GRTP1: variants seen among roughly 807,000 people sequenced by gnomAD.
GRTP1 encodes the protein growth hormone regulated TBC protein 1.
Under a neutral mutation model 38.1 loss-of-function variants are expected in GRTP1, and 56 were observed. That is an observed-to-expected ratio of 1.47 (90% CI 1.19 to 1.84). The LOEUF (loss-of-function observed/expected upper bound fraction) is 1.84. Among genes scored for constraint, GRTP1 ranks in the 40% most tolerant of loss-of-function variants. The pLI is 0.00. For synonymous variants in GRTP1, 217 were observed against 189.5 expected, an observed-to-expected ratio of 1.14 and a Z score of -1.19; for missense variants, 506 against 453.9, an observed-to-expected ratio of 1.11 and a Z score of -1.04.
rs1418192057 is a variant in GRTP1, at chr13:113,363,819, T to C, written c.124A>G (p.Arg42Gly). 1.9e-6 allele frequency: 3 copies of C among 1,611,720 alleles called. No individual in the cohort carries two copies. Among genetic ancestry groups the C allele is most frequent in the Non-Finnish European group, 2.5e-6 (3 of 1,179,524 alleles). ...FSSYLVTLTR[R>G]AIKWSRLLQG... ...AGCAGCCGGGACCATTTGATCGCCCTGCGGGTGAGCGTGACCAGGTAGCTG... is the reference window on the plus strand; with the variant it reads ...AGCAGCCGGGACCATTTGATCGCCCCGCGGGTGAGCGTGACCAGGTAGCTG... The change falls in exon 2 of 8, where the codon AGG (arginine) becomes GGG (glycine). Residue 42 changes from arginine (R) to glycine (G), a missense_variant. Arg to Gly is a moderately radical substitution (Grantham distance 125). Transcript: ENST00000375431.
chr13:113,355,600 C>G, intron 2 of GRTP1, 119 bp from the exon 3 acceptor site: 1 of 1,233,630 alleles, frequency 8.1e-7, no homozygotes, highest in Non-Finnish European at 1.1e-6. Flanking sequence ...TTAAAGAGAC[C>G]CAGAACTTCG....
At position 113,344,871 on chromosome 13, in the gene GRTP1, A is replaced by T; in HGVS notation, c.554T>A (p.Ile185Lys). 6.2e-7 allele frequency: 1 copy of T among 1,607,384 alleles called. No individual in the cohort carries two copies. The highest frequency in any genetic ancestry group is 1.1e-5 in the South Asian group (1 of 89,202). Residue 185 changes from isoleucine to lysine, a missense_variant, in exon 5 of 8, where the codon ATA (isoleucine) becomes AAA (lysine). By Grantham distance (102) the Ile-to-Lys change is moderately radical. Coordinates refer to ENST00000375431, the MANE Select transcript of GRTP1 (RefSeq NM_024719.4). ...FWLLDALVGRILPDYYSPAML... is the reference protein window; with the variant it reads ...FWLLDALVGRKLPDYYSPAML... ...AGGAATTTTCAACATACCTGGTAGTATTCTTCCAACAAGAGCATCTAACAG... is the reference window on the plus strand; with the variant it reads ...AGGAATTTTCAACATACCTGGTAGTTTTCTTCCAACAAGAGCATCTAACAG...
chr13:113,345,121 A>G, intron 4 of GRTP1, 162 bp from the exon 5 acceptor site: 1 of 291,386 alleles, frequency 3.4e-6, no homozygotes, highest in Non-Finnish European at 5.1e-6. Flanking sequence ...AGAGTCACTA[A>G]ATACCTACCG....
intron 2 of GRTP1, 61 bp downstream of exon 2, chr13:113,363,701 C>T (rs922889738): frequency 1.5e-5 from 23 of 1,522,230 alleles, no homozygotes; most frequent in South Asian, 2.4e-5. Flanking sequence ...GGACTTTGCC[C>T]GGCCCGTCCC....
chr13:113,330,955 G>T (rs72485699), intron 5 of GRTP1, among the ~76,000 whole-genome samples: 15 of 123,502 alleles, frequency 1.2e-4, no homozygotes, highest in East Asian at 2.6e-4. Flanking sequence ...GGAAAACCAG[G>T]TGTGTGCATG....
intron 4 of GRTP1, among the ~76,000 whole-genome samples, chr13:113,350,288 C>T (rs1480364126): frequency 2.6e-5 from 4 of 152,094 alleles, no homozygotes; most frequent in East Asian, 1.9e-4. Flanking sequence ...CTCCGGGAGG[C>T]GCAAGGACTC....
intron 3 of GRTP1, among the ~76,000 whole-genome samples, chr13:113,352,326 T>A (rs9549390): frequency 1.3e-4 from 9 of 68,516 alleles, no homozygotes; most frequent in African/African-American, 3.5e-4. Context: ...ATATATATTT[T>A]TATATATATT....
chr13:113,357,402 G>A (rs1458583497), intron 2 of GRTP1, among the ~76,000 whole-genome samples: 6 of 135,904 alleles, frequency 4.4e-5, no homozygotes, highest in Admixed American at 8.6e-5. Flanking sequence ...CCGAGATCAC[G>A]CCGCTGCACT....
In GRTP1 at chr13:113,324,381, C is replaced by T. The variant is rs2042728269; in HGVS notation, c.*107G>A. ...ATTCACAACTAAAGTGTAGTGATGTCAAGTATTTACAACACTAAAAAGGAA... is the reference window on the plus strand; with the variant it reads ...ATTCACAACTAAAGTGTAGTGATGTTAAGTATTTACAACACTAAAAAGGAA... On this transcript the variant is annotated 3_prime_UTR_variant, in exon 8 of 8. Transcript: ENST00000375431. 7.3e-7 allele frequency: 1 copy of T among 1,379,212 alleles called. No individual in the cohort carries two copies. The highest frequency in any genetic ancestry group is 9.4e-7 in the Non-Finnish European group (1 of 1,060,194). 85.4% of individuals were successfully genotyped at this position (1,379,212 alleles called of 1,614,324 possible). A position where few individuals can be genotyped will look rare whatever the true frequency, so the allele number is the denominator to read the frequency against.
chr13:113,341,205 T>A (rs972623816), intron 5 of GRTP1, among the ~76,000 whole-genome samples: 1 of 152,124 alleles, frequency 6.6e-6, no homozygotes, highest in Non-Finnish European at 1.5e-5. Flanking sequence ...ATATGTGGAT[T>A]ATACCTCAAC....
chr13:113,326,595 T>C (rs888678407), intron 5 of GRTP1, among the ~76,000 whole-genome samples: 13 of 151,822 alleles, frequency 8.6e-5, no homozygotes, highest in Admixed American at 1.3e-4. Flanking sequence ...CGCTTGAACC[T>C]GGGAGGTGGA....
In GRTP1 at chr13:113,364,105, C is replaced by T. The variant is rs2043555028; in HGVS notation, c.-54G>A. 2.2e-5 allele frequency: 27 copies of T among 1,217,790 alleles called. No homozygotes were observed. The highest frequency in any genetic ancestry group is 3.3e-5 in the East Asian group (1 of 30,258). 75.4% of individuals were successfully genotyped at this position (1,217,790 alleles called of 1,614,324 possible). On this transcript the variant is annotated 5_prime_UTR_variant, in exon 1 of 8. Coordinates refer to ENST00000375431, the MANE Select transcript of GRTP1 (RefSeq NM_024719.4). ...GCCAGCGGGTCCCAAGTTCGCCTCC[C>T]GGCTCCGGGGCGCTTAAGTCCTTCC... is the stretch of plus-strand genomic sequence containing the variant.
chr13:113,352,369 T>C (rs2043301924), intron 3 of GRTP1, among the ~76,000 whole-genome samples: 2 of 126,290 alleles, frequency 1.6e-5, no homozygotes, highest in Non-Finnish European at 3.2e-5. Context: ...TTTATATATA[T>C]ATATATATTT....
intron 2 of GRTP1, among the ~76,000 whole-genome samples, chr13:113,358,912 G>A (rs1344715385): frequency 2.0e-5 from 3 of 152,164 alleles, no homozygotes; most frequent in East Asian, 1.9e-4. Flanking sequence ...AATCCCATGC[G>A]GTGTTTAGTC....
chr13:113,325,637 T>C lies in GRTP1; in HGVS notation c.921+24A>G, dbSNP rs756501097. On this transcript the variant is annotated intron_variant, in intron 7 of 7. Transcript: ENST00000375431. ...GAGGCGGGGCCCCCTGGGAGGGGAC[T>C]GAGCCACGTGCAGCCCCACACACCT... is the stretch of plus-strand genomic sequence containing the variant. 3.7e-6 allele frequency: 6 copies of C among 1,609,528 alleles called. No homozygotes were observed. The South Asian group carries it at 5.5e-5, about 15-fold the overall frequency.
intron 2 of GRTP1, among the ~76,000 whole-genome samples, chr13:113,357,441 CAAAAA>C (rs368660991): frequency 2.0e-5 from 2 of 97,670 alleles, no homozygotes; most frequent in Non-Finnish European, 1.9e-5. Flanking sequence ...GACACTGCCT[CAAAAA>C]AAAAAAAAAA....
At chr13:113,347,705 GCAGAGAGCAGACCCGGGAGGACCT>G (rs2139480144) in intron 4 of GRTP1, among the ~76,000 whole-genome samples, 1 of 102,512 alleles carries the variant, frequency 9.8e-6, no homozygotes, top group African/African-American at 4.3e-5. Flanking sequence ...GACCTCTGTG[GCAGAGAGCAGACCCGGGAGGACCT>G]CTGTGGCCAA....
At chr13:113,341,407 C>T (rs2043024073) in intron 5 of GRTP1, among the ~76,000 whole-genome samples, 1 of 152,170 alleles carries the variant, frequency 6.6e-6, no homozygotes, top group South Asian at 2.1e-4. Flanking sequence ...GCTGGGACTA[C>T]AGGCACCCGC....
chr13:113,330,930 C>A (rs1472652115), intron 5 of GRTP1, among the ~76,000 whole-genome samples: 1 of 128,420 alleles, frequency 7.8e-6, no homozygotes, highest in African/African-American at 3.0e-5. Flanking sequence ...TGCATGGGAG[C>A]CCAGGTGTGT....
Sources: gnomAD v4.1 joint callset for allele counts (sites outside exome capture counted in the v4.1 genomes callset) on GRCh38, gnomAD v4.1.1 for gene constraint, MANE v1.5 for transcripts, NCBI Gene and HGNC (gene_info 2026-07-23, HGNC 2026-07-21) for gene names.